The following WASL variants were observed in gnomAD, a reference collection of about 807,000 sequenced individuals.
WASL encodes the protein actin nucleation-promoting factor WASL.
Under a neutral mutation model 55.5 loss-of-function variants are expected in WASL, and 20 were observed. That is an observed-to-expected ratio of 0.36 (90% CI 0.25 to 0.52). WASL has a LOEUF of 0.52. WASL is among the 20% of genes least tolerant of loss of function. The pLI, the probability that WASL is intolerant of heterozygous loss-of-function variation, is 0.92. For synonymous variants in WASL, 249 were observed against 217.6 expected (o/e 1.14, Z -1.27); for missense variants, 504 against 622.5 (o/e 0.81, Z 2.03).
chr7:123,703,630 A>C (rs1004586326), intron 5 of WASL, among the ~76,000 whole-genome samples: 1 of 152,216 alleles, frequency 6.6e-6, no homozygotes, highest in Non-Finnish European at 1.5e-5. Context: ...CCCAGAATTT[A>C]ATACAGCAAC....
At chr7:123,718,320 A>C (rs371508997) in intron 1 of WASL, among the ~76,000 whole-genome samples, 1 of 152,224 alleles carries the variant, frequency 6.6e-6, no homozygotes, top group African/African-American at 2.4e-5. Flanking sequence ...ATGATGCATC[A>C]ATCAGAACAA....
chr7:123,697,174 CTT>C (rs753786600), intron 5 of WASL, among the ~76,000 whole-genome samples: 26 of 152,140 alleles, frequency 1.7e-4, no homozygotes, highest in East Asian at 5.8e-4. Context: ...AGCCTTAACT[CTT>C]TGTTTCAACT....
At position 123,692,514 on chromosome 7, in the gene WASL, C is replaced by G. The variant is rs758855485; in HGVS notation, c.1180G>C (p.Asp394His). The change falls in exon 9 of 11, where the codon GAT (aspartate) becomes CAT (histidine). Residue 394 changes from aspartate to histidine, a missense_variant. Asp to His is a moderately conservative substitution (Grantham distance 81, BLOSUM62 -1). Around this residue, in one of 5 missense-constraint regions of WASL, gnomAD observed 201 missense variants for 206.2 expected, o/e 0.97. Coordinates refer to ENST00000223023, the MANE Select transcript of WASL (RefSeq NM_003941.4). ...GPPPPPGLPS[D>H]GDHQVPTTAG... Reference sequence around the variant, plus strand: ...GTAGTTGGAACCTGATGGTCCCCATCAGAAGGCAGGCCAGGCGGGGGCGGT... The same window carrying G: ...GTAGTTGGAACCTGATGGTCCCCATGAGAAGGCAGGCCAGGCGGGGGCGGT... 1.9e-6 allele frequency: 3 copies of G among 1,613,878 alleles called. No homozygotes were observed. The highest frequency in any genetic ancestry group is 2.2e-5 in the East Asian group (1 of 44,852).
intron 1 of WASL, among the ~76,000 whole-genome samples, chr7:123,713,517 A>AG (rs1803792134): frequency 6.6e-6 from 1 of 152,204 alleles, no homozygotes; most frequent in Non-Finnish European, 1.5e-5. Context: ...ATGACTTAAC[A>AG]AAATAAAGTC....
At chr7:123,737,574 G>A (rs1292920639) in intron 1 of WASL, among the ~76,000 whole-genome samples, 4 of 132,266 alleles carry the variant, frequency 3.0e-5, no homozygotes, top group African/African-American at 1.1e-4. Context: ...CAGTCTGGGT[G>A]ACAGAGCAAG....
At position 123,684,058 on chromosome 7, in the gene WASL, G is replaced by A. The variant is rs1803245941; in HGVS notation, c.*461C>T. The stretch of plus-strand genomic sequence containing the variant: ...AGCTTCAACATTCATATGTAGCATT[G>A]TATTCAAAATAAAGGGGCTAAAGAA... On this transcript the variant is annotated 3_prime_UTR_variant, in exon 11 of 11. Transcript: ENST00000223023. The A allele has an allele frequency of 1.3e-5, 2 of 151,946 alleles. No homozygotes were observed. Among genetic ancestry groups the A allele is most frequent in the African/African-American group, 4.8e-5 (2 of 41,338 alleles). 9.4% of individuals were successfully genotyped at this position (151,946 alleles called of 1,614,324 possible).
intron 1 of WASL, among the ~76,000 whole-genome samples, chr7:123,721,325 G>T (rs1426938510): frequency 6.6e-6 from 1 of 151,670 alleles, no homozygotes; most frequent in African/African-American, 2.4e-5. Context: ...TGACTGACAT[G>T]TACAATCAAG....
chr7:123,694,900 A>T, intron 7 of WASL, 32 bp from the exon 8 acceptor site: 3 of 1,571,770 alleles, frequency 1.9e-6, no homozygotes, highest in Non-Finnish European at 2.6e-6. Context: ...AACTATAAAA[A>T]TATATCCCAA....
At chr7:123,722,881 G>T (rs1373560818) in intron 1 of WASL, among the ~76,000 whole-genome samples, 1 of 152,108 alleles carries the variant, frequency 6.6e-6, no homozygotes, top group Non-Finnish European at 1.5e-5. Flanking sequence ...AATGTTCTGG[G>T]AAGGCTAAGA....
At position 123,683,271 on chromosome 7, in the gene WASL, C is replaced by CTT. The variant is rs1265397544; in HGVS notation, c.*1247_*1248insAA. The CTT allele has an allele frequency of 6.6e-6, 1 of 151,754 alleles. No homozygotes were observed. The highest frequency in any genetic ancestry group is 2.4e-5 in the African/African-American group (1 of 41,308). The allele number at this position is 151,754 out of a possible 1,614,324, so 9.4% of individuals were successfully genotyped here. Reference sequence around the variant, plus strand: ...ATTAGCATTATAAATATGAAACAACCACCTTTAGGCAGATTAGTGTAGTGT... The same window carrying CTT: ...ATTAGCATTATAAATATGAAACAACCTTACCTTTAGGCAGATTAGTGTAGTGT... On this transcript the variant is annotated 3_prime_UTR_variant, in exon 11 of 11. Coordinates refer to ENST00000223023, the MANE Select transcript of WASL (RefSeq NM_003941.4).
Position 123,719,824 on chromosome 7 carries a change from TC to T in WASL, c.118-10602del, listed in dbSNP as rs565724818. Among the ~76,000 whole-genome samples, 211 of 152,254 alleles carry T rather than the reference TC, an allele frequency of 1.4e-3. 1 individual carries two copies. The highest frequency in any genetic ancestry group is 2.2e-4 in the Non-Finnish European group (15 of 68,012). ...TGTAGTTACAACTGTCTTGGTAAAT[TC>T]TTTTTACCACCCAAGCCACCAGCCA... On this transcript the variant is annotated intron_variant, in intron 1 of 10. Coordinates refer to ENST00000223023, the MANE Select transcript of WASL (RefSeq NM_003941.4).
Position 123,731,833 on chromosome 7 carries a change from A to G in WASL, c.117+16785T>C, listed in dbSNP as rs150421428. On this transcript the variant is annotated intron_variant, in intron 1 of 10. Coordinates refer to ENST00000223023, the MANE Select transcript of WASL (RefSeq NM_003941.4). Reference sequence around the variant, plus strand: ...AAAAAGGATTTAAAATCAATAACCTAAGTATCTAACTTACGAAACTAGAAA... The same window carrying G: ...AAAAAGGATTTAAAATCAATAACCTGAGTATCTAACTTACGAAACTAGAAA... Among the ~76,000 whole-genome samples the G allele has an allele frequency of 6.3e-3, 957 of 152,302 alleles. 9 individuals carry two copies. Among genetic ancestry groups the G allele is most frequent in the African/African-American group, 0.021 (886 of 41,578 alleles).
In WASL at chr7:123,683,949, T is replaced by G. The variant is rs985887154; in HGVS notation, c.*570A>C. 1.3e-5 allele frequency: 2 copies of G among 152,026 alleles called. No individual in the cohort carries two copies. The highest frequency in any genetic ancestry group is 4.8e-5 in the African/African-American group (2 of 41,440). The allele number at this position is 152,026 out of a possible 1,614,324, so 9.4% of individuals were successfully genotyped here. The stretch of plus-strand genomic sequence containing the variant: ...TAATCGTCTTCCCCACTAGTATCTC[T>G]GTAGTGATTTTATGTAGAGCATATT... On this transcript the variant is annotated 3_prime_UTR_variant, in exon 11 of 11. Transcript: ENST00000223023.
At chr7:123,700,088 A>G (rs972024386) in intron 5 of WASL, among the ~76,000 whole-genome samples, 27 of 142,662 alleles carry the variant, frequency 1.9e-4, no homozygotes, top group African/African-American at 6.4e-4. Context: ...AGGCAGGAGA[A>G]TGGCGTGAAC....
chr7:123,713,259 C>T (rs1446693234), intron 1 of WASL, among the ~76,000 whole-genome samples: 2 of 152,084 alleles, frequency 1.3e-5, no homozygotes, highest in East Asian at 3.9e-4. Context: ...AGTGATCCTC[C>T]TACCTCACTC....
chr7:123,733,023 A>T (rs1804166847), intron 1 of WASL, among the ~76,000 whole-genome samples: 1 of 152,200 alleles, frequency 6.6e-6, no homozygotes, highest in Admixed American at 6.5e-5. Flanking sequence ...TCAACTTGAT[A>T]AAGCATTTCC....
intron 10 of WASL, among the ~76,000 whole-genome samples, chr7:123,688,396 T>G (rs1382793979): frequency 6.6e-6 from 1 of 152,158 alleles, no homozygotes; most frequent in Non-Finnish European, 1.5e-5. Flanking sequence ...GTTTTGCTCT[T>G]GTTGCCCATG....
At chr7:123,718,031 G>T (rs1196557801) in intron 1 of WASL, among the ~76,000 whole-genome samples, 1 of 152,158 alleles carries the variant, frequency 6.6e-6, no homozygotes, top group Non-Finnish European at 1.5e-5. Context: ...AAGAAGTGAT[G>T]AATGAATACA....
chr7:123,683,477 A>C lies in WASL; in HGVS notation c.*1042T>G, dbSNP rs1378649517. The C allele has an allele frequency of 6.6e-6, 1 of 151,962 alleles. No individual in the cohort carries two copies. Among genetic ancestry groups the C allele is most frequent in the East Asian group, 1.9e-4 (1 of 5,194 alleles). 9.4% of individuals were successfully genotyped at this position (151,962 alleles called of 1,614,324 possible). ...TAACTCTTCACATGCTATTTGACAA[A>C]AACCCTCAAAAGTTATCCAAATCAA... On this transcript the variant is annotated 3_prime_UTR_variant, in exon 11 of 11. Transcript: ENST00000223023.
Sources: gnomAD v4.1 joint callset for allele counts (sites outside exome capture counted in the v4.1 genomes callset) on GRCh38, gnomAD v4.1.1 for gene constraint, gnomAD v4.1.1 regional missense constraint, MANE v1.5 for transcripts, NCBI Gene and HGNC (gene_info 2026-07-23, HGNC 2026-07-21) for gene names.